Variants in ZDHHC20 observed in about 807,000 individuals in gnomAD.
ZDHHC20 encodes the protein zDHHC palmitoyltransferase 20, also known as palmitoyltransferase ZDHHC20.
In ZDHHC20, 43 loss-of-function variants were observed where a neutral mutation model predicts 57.8. That is an observed-to-expected ratio of 0.74 (90% CI 0.58 to 0.96). The LOEUF (loss-of-function observed/expected upper bound fraction) is 0.96, where lower values mean the gene tolerates loss of function less well. Among genes scored for constraint, ZDHHC20 ranks in the 40% least tolerant of loss-of-function variants. The probability of loss-of-function intolerance (pLI) is 0.00; values close to 1 mark genes in which losing one functional copy is unlikely to be tolerated. For synonymous variants in ZDHHC20, 157 were observed against 153.0 expected, an observed-to-expected ratio of 1.03 and a Z score of -0.19; for missense variants, 391 against 441.1, an observed-to-expected ratio of 0.89 and a Z score of 1.02.
intron 1 of ZDHHC20, among the ~76,000 whole-genome samples, chr13:21,427,235 C>T (rs961601364): frequency 1.3e-5 from 2 of 152,040 alleles, no homozygotes; most frequent in Non-Finnish European, 2.9e-5. Flanking sequence ...GGAATCATGT[C>T]TTAGAATAGT....
chr13:21,386,283 G>T (rs898718562), intron 9 of ZDHHC20, among the ~76,000 whole-genome samples: 4 of 152,106 alleles, frequency 2.6e-5, no homozygotes, highest in Admixed American at 2.6e-4. Flanking sequence ...CAGTAATAGG[G>T]GGAAGGAGAT....
At chr13:21,400,801 C>A (rs921366974) in intron 6 of ZDHHC20, among the ~76,000 whole-genome samples, 7 of 151,866 alleles carry the variant, frequency 4.6e-5, no homozygotes, top group African/African-American at 1.7e-4. Flanking sequence ...ACCTCTGCCT[C>A]CCAGGTTCAC....
intron 3 of ZDHHC20, among the ~76,000 whole-genome samples, chr13:21,419,340 T>C (rs1387829969): frequency 6.6e-6 from 1 of 152,236 alleles, no homozygotes; most frequent in Non-Finnish European, 1.5e-5. Context: ...AATGTATATA[T>C]ACTAGTTCTA....
intron 3 of ZDHHC20, among the ~76,000 whole-genome samples, chr13:21,416,294 G>A (rs1273819828): frequency 6.6e-6 from 1 of 151,556 alleles, no homozygotes; most frequent in Non-Finnish European, 1.5e-5. Context: ...AATTTTAGAT[G>A]AGGAATGGAA....
At chr13:21,380,334 T>G (rs186625577) in intron 11 of ZDHHC20, among the ~76,000 whole-genome samples, 11 of 151,274 alleles carry the variant, frequency 7.3e-5, no homozygotes, top group Non-Finnish European at 1.6e-4. Flanking sequence ...CAAGCTGGTC[T>G]CTAACACTTG....
At chr13:21,401,267 C>T (rs989578511) in intron 6 of ZDHHC20, among the ~76,000 whole-genome samples, 1 of 151,954 alleles carries the variant, frequency 6.6e-6, no homozygotes, top group African/African-American at 2.4e-5. Context: ...CAACCAGAGA[C>T]CCTGTTTCAA....
rs71093307 is a variant in ZDHHC20 at position 21,393,699 on chromosome 13, CAAAAAAAAAAAAAAAAAA to C, written c.595-1863_595-1846del. ...AGCCTGGGCGACACAGCAAGTCTCACAAAAAAAAAAAAAAAAAAAAAAAAAAAAAAGGTACAAGGTCTC... is the reference window on the plus strand; with the variant it reads ...AGCCTGGGCGACACAGCAAGTCTCACAAAAAAAAAAAAGGTACAAGGTCTC... On this transcript the variant is annotated intron_variant, in intron 7 of 12. Coordinates refer to ENST00000400590, the MANE Select transcript of ZDHHC20 (RefSeq NM_001330059.2). 2.2e-4 allele frequency among the ~76,000 whole-genome samples: 14 copies of C among 63,416 alleles called. No homozygotes were observed. The South Asian group carries it at 0.011, about 48-fold the overall frequency. 41.6% of individuals were successfully genotyped at this position (63,416 alleles called of 152,430 possible).
chr13:21,415,218 A>G (rs1405617925), intron 3 of ZDHHC20, among the ~76,000 whole-genome samples: 2 of 152,252 alleles, frequency 1.3e-5, no homozygotes, highest in African/African-American at 4.8e-5. Context: ...CTAAGATTGC[A>G]GAACTACTGG....
chr13:21,433,627 G>A (rs1882236919), intron 1 of ZDHHC20, among the ~76,000 whole-genome samples: 1 of 148,692 alleles, frequency 6.7e-6, no homozygotes, highest in African/African-American at 2.5e-5. Context: ...GTGGGGGTGG[G>A]AGGCGGGAAT....
At chr13:21,386,495 A>G (rs1371123044) in intron 9 of ZDHHC20, among the ~76,000 whole-genome samples, 9 of 152,238 alleles carry the variant, frequency 5.9e-5, no homozygotes, top group Non-Finnish European at 4.4e-5. Context: ...GAGTTATCAC[A>G]ATTTCTTATT....
intron 11 of ZDHHC20, among the ~76,000 whole-genome samples, chr13:21,380,642 A>G (rs1873189575): frequency 6.6e-6 from 1 of 151,542 alleles, no homozygotes; most frequent in East Asian, 2.0e-4. Flanking sequence ...AATACAAAAA[A>G]TTAGCTGGGC....
chr13:21,400,184 C>T (rs931344133), intron 7 of ZDHHC20, among the ~76,000 whole-genome samples, 189 bp downstream of exon 7: 1 of 148,658 alleles, frequency 6.7e-6, no homozygotes, highest in Non-Finnish European at 1.5e-5. Flanking sequence ...GTTTAATACA[C>T]ATTTATTTAC....
Position 21,411,457 on chromosome 13 carries a change from C to G in ZDHHC20, c.370+2195G>C, listed in dbSNP as rs9506673. ...TTAGAGATTTCCTAGTTCAATCTCTCCATTTTACAGATCAAAGACACCCCA... is the reference window on the plus strand; with the variant it reads ...TTAGAGATTTCCTAGTTCAATCTCTGCATTTTACAGATCAAAGACACCCCA... On this transcript the variant is annotated intron_variant, in intron 4 of 12. Transcript: ENST00000400590. 6.3e-3 allele frequency among the ~76,000 whole-genome samples: 959 copies of G among 152,290 alleles called. 4 individuals are homozygous for G. The highest frequency in any genetic ancestry group is 9.8e-3 in the Non-Finnish European group (670 of 68,028).
chr13:21,434,610 T>C (rs896671502), intron 1 of ZDHHC20, among the ~76,000 whole-genome samples: 6 of 152,204 alleles, frequency 3.9e-5, no homozygotes, highest in Non-Finnish European at 8.8e-5. Flanking sequence ...ATACTGTTCA[T>C]GTTCTGTTTT....
intron 1 of ZDHHC20, 88 bp downstream of exon 1, chr13:21,458,966 G>C (rs1239431091): frequency 1.3e-5 from 13 of 1,014,594 alleles, no homozygotes; most frequent in Non-Finnish European, 1.8e-5. Context: ...GCTGGCTCCA[G>C]AAAGGCGGCG....
chr13:21,429,751 C>T (rs1165818266), intron 1 of ZDHHC20, among the ~76,000 whole-genome samples: 1 of 152,132 alleles, frequency 6.6e-6, no homozygotes, highest in Non-Finnish European at 1.5e-5. Flanking sequence ...TAAAAATAGT[C>T]CCACAAGTCC....
At chr13:21,433,675 G>C (rs929818161) in intron 1 of ZDHHC20, among the ~76,000 whole-genome samples, 1 of 152,170 alleles carries the variant, frequency 6.6e-6, no homozygotes, top group Non-Finnish European at 1.5e-5. Flanking sequence ...TTTTTTGTTT[G>C]TTTGTTCTGG....
At chr13:21,425,189 T>C (rs1223030403) in intron 2 of ZDHHC20, among the ~76,000 whole-genome samples, 1 of 152,202 alleles carries the variant, frequency 6.6e-6, no homozygotes, top group Non-Finnish European at 1.5e-5. Flanking sequence ...GGTAATGCAA[T>C]TTACAAATTT....
rs1408633514 is a variant in ZDHHC20, at chr13:21,374,478, G to A, written c.*2218C>T. On this transcript the variant is annotated 3_prime_UTR_variant, in exon 13 of 13. Coordinates refer to ENST00000400590, the MANE Select transcript of ZDHHC20 (RefSeq NM_001330059.2). ...TCGAACCCCTGACCTCAGGTGATCC[G>A]CCAGCCTTGGCCTCCCAAAGTGCTG... The A allele has an allele frequency of 1.8e-5, 8 of 452,816 alleles. No individual in the cohort carries two copies. Among genetic ancestry groups the A allele is most frequent in the Non-Finnish European group, 3.1e-5 (7 of 225,394 alleles). 28.0% of individuals were successfully genotyped at this position (452,816 alleles called of 1,614,324 possible). A position where few individuals can be genotyped will look rare whatever the true frequency, so the allele number is the denominator to read the frequency against.
Sources: allele counts gnomAD v4.1 joint callset (sites outside exome capture counted in the v4.1 genomes callset), GRCh38; gene constraint gnomAD v4.1.1; transcripts MANE v1.5; gene names NCBI Gene and HGNC (gene_info 2026-07-23, HGNC 2026-07-21).